Variants in FAM120C observed in about 807,000 individuals in gnomAD.
FAM120C encodes family with sequence similarity 120 member C.
Under a neutral mutation model 71.2 loss-of-function variants are expected in FAM120C, and 14 were observed. The ratio of observed to expected loss-of-function variants is 0.20; its 90% confidence interval spans 0.13 to 0.31. FAM120C has a LOEUF of 0.31. Among genes scored for constraint, FAM120C ranks in the 10% least tolerant of loss-of-function variants. FAM120C has a pLI of 1.00. For missense variants in FAM120C, 500 were observed against 879.0 expected (o/e 0.57, Z 5.45); for synonymous variants, 354 against 353.2 (o/e 1.00, Z -0.03).
At chrX:54,091,239 GAAA>G in intron 11 of FAM120C, 70 bp downstream of exon 11, 1 of 602,417 alleles carries the variant, frequency 1.7e-6, no homozygotes, top group Non-Finnish European at 2.5e-6. Context: ...TCAGCTTCAG[GAAA>G]AAAAAAAGAC....
At chrX:54,132,432 C>T (rs782805920) in intron 9 of FAM120C, among the ~76,000 whole-genome samples, 1 of 111,582 alleles carries the variant, frequency 9.0e-6, no homozygotes, top group Admixed American at 9.6e-5. Flanking sequence ...CCTGCCTTGG[C>T]CTCCCAAAGT....
chrX:54,136,430 T>C, intron 5 of FAM120C, 61 bp downstream of exon 5: 1 of 857,541 alleles, frequency 1.2e-6, no homozygotes. Flanking sequence ...CTGGAGTTCC[T>C]GAGGGACCAA....
intron 15 of FAM120C, among the ~76,000 whole-genome samples, chrX:54,078,345 C>G (rs955294230): frequency 1.7e-4 from 19 of 111,232 alleles, no homozygotes; most frequent in African/African-American, 5.5e-4. Flanking sequence ...TACTACCTTA[C>G]GAGAGCCTAT....
intron 10 of FAM120C, among the ~76,000 whole-genome samples, chrX:54,113,805 A>G (rs2146589959): frequency 9.2e-6 from 1 of 109,269 alleles, no homozygotes; most frequent in Non-Finnish European, 1.9e-5. Context: ...AATCCCAGCT[A>G]CTCGGGAGGC....
intron 4 of FAM120C, among the ~76,000 whole-genome samples, chrX:54,141,536 G>A (rs1603360646): frequency 9.0e-6 from 1 of 110,535 alleles, no homozygotes; most frequent in East Asian, 2.9e-4. Context: ...AATGAAGACT[G>A]AATGCTTTCT....
rs189346048 is a variant in FAM120C, at chrX:54,132,105, G to A, written c.2062+587C>T. Among the ~76,000 whole-genome samples the A allele has an allele frequency of 6.9e-3, 759 of 109,919 alleles. 3 individuals are homozygous for A. The highest frequency in any genetic ancestry group is 0.01 in the Non-Finnish European group (547 of 52,784). Reference sequence around the variant, plus strand: ...GGGTCTCACTCTGTCACCCAGGCTGGAGTACAGTAACACGATCAGGGCTCA... The same window carrying A: ...GGGTCTCACTCTGTCACCCAGGCTGAAGTACAGTAACACGATCAGGGCTCA... On this transcript the variant is annotated intron_variant, in intron 9 of 15. Coordinates refer to ENST00000375180, the MANE Select transcript of FAM120C (RefSeq NM_017848.6).
At chrX:54,116,094 A>G (rs2066966309) in intron 10 of FAM120C, among the ~76,000 whole-genome samples, 2 of 111,500 alleles carry the variant, frequency 1.8e-5, no homozygotes, top group Middle Eastern at 4.6e-3. Context: ...TAAAAAAGGG[A>G]AAAAAAAGAA....
rs782210669 is a variant in FAM120C, at chrX:54,182,955, T to G, written c.244A>C (p.Thr82Pro). 54 of 1,158,858 alleles carry G rather than the reference T, an allele frequency of 4.7e-5. No individual in the cohort carries two copies. Among genetic ancestry groups the G allele is most frequent in the Non-Finnish European group, 5.9e-5 (51 of 870,877 alleles). Residue 82 changes from threonine to proline, a missense_variant, in exon 1 of 16, where the codon ACT (threonine) becomes CCT (proline). Around this residue, in one of 11 missense-constraint regions of FAM120C, gnomAD observed 79 missense variants for 78.3 expected, o/e 1.01. Coordinates refer to ENST00000375180, the MANE Select transcript of FAM120C (RefSeq NM_017848.6). ...TGGTGAGCGGGGTGATGGTGCCGAG[T>G]CGGCCCCGCGCCCCCGGAGTAGGCA... ...LGAYSGGAGP[T>P]RHHHPAHHFH... is the part of the protein sequence containing the mutation.
chrX:54,134,966 T>C lies in FAM120C; in HGVS notation c.1481A>G (p.Asn494Ser), dbSNP rs1557130177. The change falls in exon 7 of 16, where the codon AAT becomes AGT. Residue 494 changes from asparagine (N) to serine (S), a missense_variant. Coordinates refer to ENST00000375180, the MANE Select transcript of FAM120C (RefSeq NM_017848.6). ...AGAAGAGTCATAGGAGACAGCCCAATTGGCAAAGGGGCTGTTCTGCAGCAT... is the reference window on the plus strand; with the variant it reads ...AGAAGAGTCATAGGAGACAGCCCAACTGGCAAAGGGGCTGTTCTGCAGCAT... ...DPMLQNSPFA[N>S]WAVSYDSSAS... is the part of the protein sequence containing the mutation. 1 of 1,211,254 alleles carries C rather than the reference T, an allele frequency of 8.3e-7. No individual in the cohort carries two copies. The highest frequency in any genetic ancestry group is 1.1e-6 in the Non-Finnish European group (1 of 895,424).
intron 3 of FAM120C, among the ~76,000 whole-genome samples, chrX:54,153,123 TA>T (rs2146629928): frequency 8.9e-6 from 1 of 111,778 alleles, no homozygotes; most frequent in East Asian, 2.8e-4. Flanking sequence ...TGCAAATATG[TA>T]TGTGCTAATT....
intron 13 of FAM120C, among the ~76,000 whole-genome samples, chrX:54,083,433 C>CCCCACACA (rs1557121562): frequency 6.3e-5 from 5 of 78,930 alleles, no homozygotes; most frequent in African/African-American, 9.5e-5. Flanking sequence ...GACCCCATCT[C>CCCCACACA]CACACACACA....
At chrX:54,086,897 T>C (rs1383386780) in intron 12 of FAM120C, among the ~76,000 whole-genome samples, 1 of 110,192 alleles carries the variant, frequency 9.1e-6, no homozygotes, top group African/African-American at 3.3e-5. Context: ...GCACTATGGA[T>C]AGCGCAAAAA....
At chrX:54,112,513 C>G (rs1488731817) in intron 10 of FAM120C, among the ~76,000 whole-genome samples, 1 of 108,907 alleles carries the variant, frequency 9.2e-6, no homozygotes, top group African/African-American at 3.4e-5. Context: ...TGAGACCAGC[C>G]TGACCAACAT....
chrX:54,142,279 T>C (rs1042056350), intron 4 of FAM120C, among the ~76,000 whole-genome samples: 1 of 111,694 alleles, frequency 9.0e-6, no homozygotes, highest in Admixed American at 9.5e-5. Flanking sequence ...GGGTGGGGCA[T>C]TGCCTCACCT....
At chrX:54,170,138 C>G (rs149718281) in intron 1 of FAM120C, among the ~76,000 whole-genome samples, 50 of 111,116 alleles carry the variant, frequency 4.5e-4, no homozygotes, top group African/African-American at 1.5e-3. Flanking sequence ...AATTTTAGTA[C>G]TTTTTTCTCT....
At chrX:54,169,957 G>A (rs1437901338) in intron 1 of FAM120C, among the ~76,000 whole-genome samples, 1 of 111,430 alleles carries the variant, frequency 9.0e-6, no homozygotes, top group Non-Finnish European at 1.9e-5. Context: ...TTACTTCAAG[G>A]AAACATTGAT....
intron 9 of FAM120C, among the ~76,000 whole-genome samples, chrX:54,130,480 A>C (rs1254195879): frequency 1.8e-5 from 2 of 111,530 alleles, no homozygotes; most frequent in East Asian, 5.6e-4. Flanking sequence ...TTTTCCATTG[A>C]AAACTGGACA....
At chrX:54,126,640 T>C in intron 9 of FAM120C, among the ~76,000 whole-genome samples, 1 of 112,953 alleles carries the variant, frequency 8.9e-6, no homozygotes, top group Non-Finnish European at 1.9e-5. Flanking sequence ...ATAGTTCTTA[T>C]CATGAATGAG....
Position 54,085,759 on chromosome X carries a change from C to A in FAM120C, c.2795G>T (p.Gly932Val), listed in dbSNP as rs782773638. 18 of 1,209,451 alleles carry A rather than the reference C, an allele frequency of 1.5e-5. No homozygotes were observed. In the South Asian group the frequency reaches 2.8e-4, roughly 19 times the overall value. The change falls in exon 13 of 16, where the codon GGC becomes GTC. Residue 932 changes from glycine (G) to valine (V), a missense_variant. Physicochemically the swap from Gly to Val is moderately radical, Grantham distance 109 (BLOSUM62 -3). Transcript: ENST00000375180. ...CCCTTGAGGGGGAAGTGGCATGGAG[C>A]CCATAGCTCGGGAATAAAGTGAAAC... ...YPVSLYSRAM[G>V]SMPLPPQGRS...
Sources: allele counts gnomAD v4.1 joint callset (sites outside exome capture counted in the v4.1 genomes callset), GRCh38; gene constraint gnomAD v4.1.1; regional missense constraint gnomAD v4.1.1; transcripts MANE v1.5; gene names NCBI Gene and HGNC (gene_info 2026-07-23, HGNC 2026-07-21).